Variants in WDFY2 observed in about 807,000 individuals in gnomAD.
WDFY2 encodes the protein WD repeat and FYVE domain containing 2, also known as WD repeat and FYVE domain-containing protein 2.
In WDFY2, 36 loss-of-function variants were observed where a neutral mutation model predicts 56.4. The observed-to-expected ratio is 0.64, with a 90% CI of 0.49 to 0.84. The LOEUF (loss-of-function observed/expected upper bound fraction) is 0.84. Among genes scored for constraint, WDFY2 ranks in the 40% least tolerant of loss-of-function variants. WDFY2 has a pLI of 0.00. For synonymous variants in WDFY2, 176 were observed against 183.7 expected, an observed-to-expected ratio of 0.96 and a Z score of 0.34; for missense variants, 444 against 512.2, an observed-to-expected ratio of 0.87 and a Z score of 1.29.
chr13:51,731,771 G>A (rs1952728113), intron 6 of WDFY2, among the ~76,000 whole-genome samples: 2 of 152,142 alleles, frequency 1.3e-5, no homozygotes, highest in African/African-American at 4.8e-5. Context: ...AGTTAACCCA[G>A]TTCCATTAAA....
At chr13:51,657,448 C>T (rs1955530100) in intron 1 of WDFY2, among the ~76,000 whole-genome samples, 2 of 152,116 alleles carry the variant, frequency 1.3e-5, no homozygotes, top group South Asian at 2.1e-4. Context: ...TTTAACATTT[C>T]TTATAAGGAA....
At chr13:51,671,246 G>A (rs1465118525) in intron 2 of WDFY2, among the ~76,000 whole-genome samples, 1 of 152,122 alleles carries the variant, frequency 6.6e-6, no homozygotes, top group Non-Finnish European at 1.5e-5. Flanking sequence ...TGAGATTGCT[G>A]GATCAAATGG....
chr13:51,758,584 A>G (rs1953475497), intron 11 of WDFY2, among the ~76,000 whole-genome samples: 1 of 151,534 alleles, frequency 6.6e-6, no homozygotes, highest in African/African-American at 2.4e-5. Context: ...TTACCATTGA[A>G]GGTGAGTGTT....
At chr13:51,717,369 A>T (rs918275477) in intron 4 of WDFY2, among the ~76,000 whole-genome samples, 2 of 151,978 alleles carry the variant, frequency 1.3e-5, no homozygotes, top group African/African-American at 2.4e-5. Flanking sequence ...GACATCAGGG[A>T]GAATAGGGTT....
Position 51,726,544 on chromosome 13 carries a change from G to C in WDFY2, c.486-1134G>C. On this transcript the variant is annotated intron_variant, in intron 5 of 11. Coordinates refer to ENST00000298125, the MANE Select transcript of WDFY2 (RefSeq NM_052950.4). ...AGGGCTTTTACTGGTCACGTAGGCA[G>C]ATCTACCTGGGACATTCCAAAATTC... 1.3e-5 allele frequency among the ~76,000 whole-genome samples: 2 copies of C among 152,182 alleles called. 1 individual carries two copies. Among genetic ancestry groups the C allele is most frequent in the Middle Eastern group, 6.3e-3 (2 of 316 alleles).
chr13:51,722,842 T>C (rs1023547828), intron 5 of WDFY2, among the ~76,000 whole-genome samples: 3 of 152,260 alleles, frequency 2.0e-5, no homozygotes, highest in Non-Finnish European at 4.4e-5. Context: ...CCCACTTCAC[T>C]TGTTAGTCTT....
At chr13:51,710,381 A>T (rs1475666171) in intron 4 of WDFY2, among the ~76,000 whole-genome samples, 2 of 152,120 alleles carry the variant, frequency 1.3e-5, no homozygotes. Context: ...CTGGCACAAG[A>T]CAGGGATGCC....
At chr13:51,698,037 G>A (rs898839408) in intron 3 of WDFY2, among the ~76,000 whole-genome samples, 4 of 152,166 alleles carry the variant, frequency 2.6e-5, no homozygotes, top group Non-Finnish European at 5.9e-5. Flanking sequence ...ACAGTCTTAT[G>A]AGGCTAGTAC....
intron 6 of WDFY2, among the ~76,000 whole-genome samples, chr13:51,730,300 G>A (rs542900558): frequency 2.0e-5 from 3 of 152,308 alleles, no homozygotes; most frequent in Non-Finnish European, 4.4e-5. Flanking sequence ...GCTGGGACAC[G>A]TTGTAAACCT....
In WDFY2 at chr13:51,687,073, GA is replaced by G. The variant is rs538043910; in HGVS notation, c.279+11836del. On this transcript the variant is annotated intron_variant, in intron 3 of 11. Coordinates refer to ENST00000298125, the MANE Select transcript of WDFY2 (RefSeq NM_052950.4). Reference sequence around the variant, plus strand: ...TATATATATATATAAAACCATCACTGAAAAAATTATACTTAATATTTTTATA... The same window carrying G: ...TATATATATATATAAAACCATCACTGAAAAATTATACTTAATATTTTTATA... Among the ~76,000 whole-genome samples, 576 of 149,130 alleles carry G rather than the reference GA, an allele frequency of 3.9e-3. 4 individuals carry two copies. The highest frequency in any genetic ancestry group is 0.014 in the African/African-American group (553 of 40,834).
intron 1 of WDFY2, among the ~76,000 whole-genome samples, chr13:51,641,384 T>C (rs1233522339): frequency 1.3e-5 from 2 of 151,812 alleles, no homozygotes; most frequent in Non-Finnish European, 1.5e-5. Flanking sequence ...ATGGAGCATT[T>C]CTAGTCACCA....
intron 1 of WDFY2, among the ~76,000 whole-genome samples, chr13:51,658,589 C>T (rs1593948389): frequency 6.6e-6 from 1 of 152,158 alleles, no homozygotes; most frequent in Non-Finnish European, 1.5e-5. Context: ...CTTAGTCCAC[C>T]ATCTTCTGTG....
intron 4 of WDFY2, among the ~76,000 whole-genome samples, chr13:51,709,312 A>G (rs764842926): frequency 4.6e-5 from 7 of 152,206 alleles, no homozygotes; most frequent in Non-Finnish European, 8.8e-5. Flanking sequence ...AAGTCATGCA[A>G]AGTATGTTCT....
intron 8 of WDFY2, among the ~76,000 whole-genome samples, chr13:51,754,614 CCATT>C (rs916412673): frequency 3.3e-5 from 5 of 152,136 alleles, no homozygotes; most frequent in Admixed American, 1.3e-4. Context: ...TATATGTTAG[CCATT>C]CAGACTTCCC....
At chr13:51,708,592 AG>A (rs1419165126) in intron 4 of WDFY2, among the ~76,000 whole-genome samples, 1 of 150,416 alleles carries the variant, frequency 6.6e-6, no homozygotes, top group Non-Finnish European at 1.5e-5. Context: ...AAAAAAAAAA[AG>A]CAGACTAAGA....
At chr13:51,734,088 A>G (rs1311706356) in intron 6 of WDFY2, among the ~76,000 whole-genome samples, 1 of 152,048 alleles carries the variant, frequency 6.6e-6, no homozygotes, top group Non-Finnish European at 1.5e-5. Context: ...TGCACATATT[A>G]CCCTTGAGGG....
At chr13:51,656,634 A>G (rs559327459) in intron 1 of WDFY2, among the ~76,000 whole-genome samples, 1 of 152,100 alleles carries the variant, frequency 6.6e-6, no homozygotes, top group Non-Finnish European at 1.5e-5. Flanking sequence ...GTCAGTGCTT[A>G]CTTTTCATGT....
intron 1 of WDFY2, among the ~76,000 whole-genome samples, chr13:51,594,471 G>A (rs1197943820): frequency 6.6e-6 from 1 of 152,066 alleles, no homozygotes; most frequent in African/African-American, 2.4e-5. Context: ...GTATTTATTT[G>A]TGAAACGACT....
At chr13:51,708,402 C>G (rs897042275) in intron 4 of WDFY2, among the ~76,000 whole-genome samples, 2 of 151,706 alleles carry the variant, frequency 1.3e-5, no homozygotes, top group Non-Finnish European at 2.9e-5. Flanking sequence ...TTGCTTCAAT[C>G]CAGGGGTTTG....
Sources: gnomAD v4.1 joint callset for allele counts (sites outside exome capture counted in the v4.1 genomes callset) on GRCh38, gnomAD v4.1.1 for gene constraint, MANE v1.5 for transcripts, NCBI Gene and HGNC (gene_info 2026-07-23, HGNC 2026-07-21) for gene names.